The following NBEAL1 variants were observed in gnomAD, a reference collection of about 807,000 sequenced individuals.
The protein encoded by NBEAL1 is neurobeachin-like protein 1.
A neutral mutation model predicts 351.3 loss-of-function variants in NBEAL1; 273 were observed. The ratio of observed to expected loss-of-function variants is 0.78; its 90% CI spans 0.70 to 0.86. The LOEUF is 0.86. Among genes scored for constraint, NBEAL1 ranks in the 40% least tolerant of loss-of-function variants. NBEAL1 has a pLI of 0.00. For missense variants in NBEAL1, 2,961 were observed against 3,201.3 expected, an observed-to-expected ratio of 0.92 and a Z score of 1.81; for synonymous variants, 1,050 against 1,086.4, an observed-to-expected ratio of 0.97 and a Z score of 0.66.
rs1161679797 is a variant in NBEAL1 at position 203,062,805 on chromosome 2, C to T, written c.515+5352C>T. Reference sequence around the variant, plus strand: ...GGAATTCAGACTTGGATTTCTTTGACTTTGACAGGGAGATTAAAAAATGGA... The same window carrying T: ...GGAATTCAGACTTGGATTTCTTTGATTTTGACAGGGAGATTAAAAAATGGA... On this transcript the variant is annotated intron_variant, in intron 6 of 55. Transcript: ENST00000683969. This position sits in a 1 kb window ranked among gnomAD's most constrained non-coding sequence, Gnocchi z 4.2. 6.6e-6 allele frequency among the ~76,000 whole-genome samples: 1 copy of T among 152,008 alleles called. No homozygotes were observed. The highest frequency in any genetic ancestry group is 1.9e-4 in the East Asian group (1 of 5,186).
chr2:203,112,625 G>GT (rs1478877292), intron 16 of NBEAL1, among the ~76,000 whole-genome samples: 2 of 152,002 alleles, frequency 1.3e-5, no homozygotes, highest in African/African-American at 4.8e-5. Flanking sequence ...TTTTTTGTTG[G>GT]TTTTCATCTC....
chr2:203,184,804 G>A (rs748161820), intron 44 of NBEAL1, among the ~76,000 whole-genome samples: 3 of 151,826 alleles, frequency 2.0e-5, no homozygotes, highest in Non-Finnish European at 4.4e-5. Flanking sequence ...GTGTGTACCG[G>A]TAGTCCCAGC....
At chr2:203,157,996 A>G (rs1046343396) in intron 36 of NBEAL1, among the ~76,000 whole-genome samples, 171 bp downstream of exon 36, 1 of 152,186 alleles carries the variant, frequency 6.6e-6, no homozygotes, top group East Asian at 1.9e-4. Flanking sequence ...AAGGCTTCTT[A>G]GAACTGGGAT....
intron 23 of NBEAL1, 22 bp from the exon 24 acceptor site, chr2:203,127,759 T>C (rs1009618987): frequency 2.8e-6 from 4 of 1,446,796 alleles, no homozygotes; most frequent in Non-Finnish European, 2.8e-6. Context: ...TTTCAATTCT[T>C]ATACTTTGTT....
chr2:203,217,000 TGCCATTTTG>T (rs1245276888), intron 55 of NBEAL1, among the ~76,000 whole-genome samples: 4 of 152,036 alleles, frequency 2.6e-5, no homozygotes, highest in Non-Finnish European at 5.9e-5. Flanking sequence ...GACGGAAGTT[TGCCATTTTG>T]GCCAGGCTGG....
intron 2 of NBEAL1, among the ~76,000 whole-genome samples, chr2:203,023,750 A>G (rs907265566): frequency 1.3e-5 from 2 of 152,144 alleles, no homozygotes; most frequent in African/African-American, 4.8e-5. Flanking sequence ...GAAATACTCA[A>G]TATGTGGAGT....
At chr2:203,123,543 A>G (rs2062875374) in intron 19 of NBEAL1, among the ~76,000 whole-genome samples, 1 of 152,072 alleles carries the variant, frequency 6.6e-6, no homozygotes. Flanking sequence ...CATGTTGGAC[A>G]GACTGGTCTC....
At position 203,107,457 on chromosome 2, in the gene NBEAL1, T is replaced by C; in HGVS notation, c.1307T>C (p.Leu436Pro). The C allele has an allele frequency of 6.4e-7, 1 of 1,551,074 alleles. No homozygotes were observed. The highest frequency in any genetic ancestry group is 8.7e-7 in the Non-Finnish European group (1 of 1,146,042). Residue 436 changes from leucine (L) to proline (P), a missense_variant, in exon 13 of 56, where the codon CTT (leucine) becomes CCT (proline). Physicochemically the swap from Leu to Pro is moderately conservative, Grantham distance 98 (BLOSUM62 -3). Coordinates refer to ENST00000683969, the MANE Select transcript of NBEAL1 (RefSeq NM_001378026.1). ...GAAAGAATTGGTTATACACATATGC[T>C]TGAAGTATTAAAATCCCTGGGTCAG... ...FKERIGYTHMLEVLKSLGQPP... is the reference protein window; with the variant it reads ...FKERIGYTHMPEVLKSLGQPP...
At chr2:203,166,435 T>A in intron 37 of NBEAL1, 138 bp downstream of exon 37, 1 of 761,208 alleles carries the variant, frequency 1.3e-6, no homozygotes, top group Non-Finnish European at 2.0e-6. Context: ...AGGGGTCAAA[T>A]TTGTTATTCA....
At chr2:203,037,238 C>T (rs760590960) in intron 2 of NBEAL1, among the ~76,000 whole-genome samples, 22 of 148,966 alleles carry the variant, frequency 1.5e-4, no homozygotes, top group Non-Finnish European at 2.7e-4. Context: ...GCTTTTATTT[C>T]GGGGAAATAA....
At chr2:203,076,654 C>T (rs1406243035) in intron 7 of NBEAL1, among the ~76,000 whole-genome samples, 4 of 141,066 alleles carry the variant, frequency 2.8e-5, no homozygotes, top group South Asian at 2.2e-4. Context: ...TGCAGTGGCA[C>T]GATCTCAGCT....
rs183652233 is a variant in NBEAL1 at position 203,019,389 on chromosome 2, A to G, written c.51+2954A>G. 1.3e-4 allele frequency among the ~76,000 whole-genome samples: 20 copies of G among 152,320 alleles called. No individual in the cohort carries two copies. The South Asian group carries it at 2.1e-3, about 16-fold the overall frequency. On this transcript the variant is annotated intron_variant, in intron 2 of 55. Transcript: ENST00000683969. ...GCATATATGTTTGATTCTCTTTGTC[A>G]GTTTTCACAATGACTTAATTTACTA...
intron 3 of NBEAL1, among the ~76,000 whole-genome samples, chr2:203,047,741 ATTTT>A (rs199901981): frequency 0.018 from 2,325 of 129,402 alleles, 15 homozygotes; most frequent in Middle Eastern, 0.027. Flanking sequence ...ATTTCTTTCT[ATTTT>A]TTTTTTTTTT....
intron 3 of NBEAL1, among the ~76,000 whole-genome samples, chr2:203,046,946 G>A (rs1003456733): frequency 6.6e-6 from 1 of 152,128 alleles, no homozygotes; most frequent in Non-Finnish European, 1.5e-5. Flanking sequence ...AGGCCGAGGC[G>A]GGCAGATCAT....
intron 6 of NBEAL1, among the ~76,000 whole-genome samples, chr2:203,063,652 C>G (rs1032080151): frequency 3.3e-5 from 5 of 152,054 alleles, no homozygotes; most frequent in African/African-American, 1.2e-4. Context: ...CAAAAATATA[C>G]TTATTGAGTT....
chr2:203,166,043 T>G lies in NBEAL1; in HGVS notation c.5715-106T>G, dbSNP rs145235063. 4 of 1,098,334 alleles carry G rather than the reference T, an allele frequency of 3.6e-6. No homozygotes were observed. The East Asian group carries it at 1.2e-4, about 33-fold the overall frequency. The allele number at this position is 1,098,334 out of a possible 1,614,324, so 68.0% of individuals were successfully genotyped here. A position where few individuals can be genotyped will look rare whatever the true frequency, so the allele number is the denominator to read the frequency against. On this transcript the variant is annotated intron_variant, in intron 36 of 55. Coordinates refer to ENST00000683969, the MANE Select transcript of NBEAL1 (RefSeq NM_001378026.1). ...GCCTGGGTGACAGCAAGACCTTGTC[T>G]CAAAAAAAAGAAAAAAAAGAGATTA...
chr2:203,042,631 G>A (rs1055453973), intron 3 of NBEAL1, among the ~76,000 whole-genome samples: 4 of 147,932 alleles, frequency 2.7e-5, no homozygotes, highest in African/African-American at 1.0e-4. Context: ...TTGCTCTGTC[G>A]ACAGGCTGTG....
chr2:203,200,893 C>T (rs2065379242), intron 49 of NBEAL1, among the ~76,000 whole-genome samples: 1 of 152,032 alleles, frequency 6.6e-6, no homozygotes, highest in Non-Finnish European at 1.5e-5. Context: ...TTATGTTTTG[C>T]AAGAAGCATA....
intron 4 of NBEAL1, among the ~76,000 whole-genome samples, chr2:203,054,453 A>G (rs1436633294): frequency 6.6e-6 from 1 of 151,438 alleles, no homozygotes; most frequent in Admixed American, 6.6e-5. Flanking sequence ...TTTTTTTTTC[A>G]AATTATTGTC....
Sources: gnomAD v4.1 joint callset for allele counts (sites outside exome capture counted in the v4.1 genomes callset) on GRCh38, gnomAD v4.1.1 for gene constraint, Gnocchi (gnomAD v3.1) non-coding constraint, MANE v1.5 for transcripts, NCBI Gene and HGNC (gene_info 2026-07-23, HGNC 2026-07-21) for gene names.